Variants in JAZF1 observed in about 807,000 individuals in gnomAD.
The protein encoded by JAZF1 is JAZF zinc finger 1, also known as juxtaposed with another zinc finger protein 1.
In JAZF1, 8 loss-of-function variants were observed where a neutral mutation model predicts 26.4. The observed-to-expected ratio is 0.30, with a 90% CI of 0.18 to 0.55. The LOEUF (loss-of-function observed/expected upper bound fraction) is 0.55, where lower values mean the gene tolerates loss of function less well. Among genes scored for constraint, JAZF1 ranks in the 20% least tolerant of loss-of-function variants. The pLI is 0.94. For synonymous variants in JAZF1, 126 were observed against 122.3 expected (o/e 1.03, Z -0.20); for missense variants, 199 against 322.0 (o/e 0.62, Z 2.92).
At chr7:27,952,928 C>T (rs1785035612) in intron 2 of JAZF1, among the ~76,000 whole-genome samples, 1 of 152,158 alleles carries the variant, frequency 6.6e-6, no homozygotes, top group Non-Finnish European at 1.5e-5. Context: ...CAAGTGGAAC[C>T]ACATCCTGAT....
At chr7:28,107,833 T>C (rs4722754) in intron 1 of JAZF1, among the ~76,000 whole-genome samples, 17,514 of 152,230 alleles carry the variant, frequency 0.12, 1,454 homozygotes, top group East Asian at 0.47. Context: ...GACCCTACGA[T>C]GGACCTAAAG....
At chr7:27,931,386 A>G (rs190879530) in intron 2 of JAZF1, among the ~76,000 whole-genome samples, 61 of 151,972 alleles carry the variant, frequency 4.0e-4, no homozygotes, top group African/African-American at 1.4e-3. Context: ...CCAGTCTTTA[A>G]AAGCTGTATC....
chr7:28,115,939 T>C (rs1364578886), intron 1 of JAZF1, among the ~76,000 whole-genome samples: 1 of 152,186 alleles, frequency 6.6e-6, no homozygotes, highest in Non-Finnish European at 1.5e-5. Flanking sequence ...TTTAATAACA[T>C]ATCTTGGAGG....
At chr7:27,857,898 G>C (rs1486595307) in intron 3 of JAZF1, among the ~76,000 whole-genome samples, 1 of 152,158 alleles carries the variant, frequency 6.6e-6, no homozygotes, top group Non-Finnish European at 1.5e-5. Context: ...TCCGGCCAGG[G>C]CAATCAGGCA....
chr7:27,878,912 GACAT>G (rs1783724047), intron 3 of JAZF1, among the ~76,000 whole-genome samples: 1 of 152,162 alleles, frequency 6.6e-6, no homozygotes, highest in South Asian at 2.1e-4. Flanking sequence ...CCATTTTTAA[GACAT>G]ACATTATTAT....
intron 1 of JAZF1, among the ~76,000 whole-genome samples, chr7:28,118,860 A>T (rs555870135): frequency 6.6e-6 from 1 of 152,292 alleles, no homozygotes; most frequent in South Asian, 2.1e-4. Context: ...GTTCCTGCAG[A>T]GGATGCTCAT....
chr7:27,966,051 C>G (rs1392983812), intron 2 of JAZF1, among the ~76,000 whole-genome samples: 3 of 152,176 alleles, frequency 2.0e-5, no homozygotes, highest in African/African-American at 7.2e-5. Flanking sequence ...CCTGCTATTG[C>G]AGAATATGGT....
intron 3 of JAZF1, among the ~76,000 whole-genome samples, chr7:27,875,069 G>A (rs1015835706): frequency 6.6e-6 from 1 of 152,156 alleles, no homozygotes; most frequent in Admixed American, 6.5e-5. Context: ...TGACAGAGGC[G>A]GTCAGTGATT....
intron 1 of JAZF1, among the ~76,000 whole-genome samples, chr7:27,998,246 T>TA (rs1359080071): frequency 6.6e-6 from 1 of 152,162 alleles, no homozygotes; most frequent in Non-Finnish European, 1.5e-5. Flanking sequence ...ATGCTGCTTA[T>TA]CCTCTAAAGA....
chr7:27,959,804 G>A (rs1785159699), intron 2 of JAZF1, among the ~76,000 whole-genome samples: 1 of 152,068 alleles, frequency 6.6e-6, no homozygotes, highest in Non-Finnish European at 1.5e-5. Flanking sequence ...GGAGGCTGAG[G>A]CAGGAGAATC....
At chr7:27,967,213 G>C (rs1232965547) in intron 2 of JAZF1, among the ~76,000 whole-genome samples, 1 of 152,158 alleles carries the variant, frequency 6.6e-6, no homozygotes, top group African/African-American at 2.4e-5. Context: ...TTGGGCAGCG[G>C]GTCAAAGCCA....
intron 2 of JAZF1, among the ~76,000 whole-genome samples, chr7:27,965,101 A>G (rs1210371966): frequency 6.6e-6 from 1 of 152,202 alleles, no homozygotes; most frequent in African/African-American, 2.4e-5. Flanking sequence ...TATATATCAG[A>G]CACAAAGGTT....
intron 3 of JAZF1, among the ~76,000 whole-genome samples, chr7:27,847,666 T>G (rs1215624549): frequency 6.6e-6 from 1 of 152,194 alleles, no homozygotes; most frequent in Non-Finnish European, 1.5e-5. Flanking sequence ...TGATTATCTT[T>G]GCTTTATAAT....
intron 2 of JAZF1, among the ~76,000 whole-genome samples, chr7:27,913,109 GTT>G (rs1784386475): frequency 6.6e-6 from 1 of 151,962 alleles, no homozygotes; most frequent in Non-Finnish European, 1.5e-5. Context: ...CTTTGAAAGA[GTT>G]AATTCACCTC....
intron 2 of JAZF1, among the ~76,000 whole-genome samples, chr7:27,975,099 A>ATGGTT (rs1326878816): frequency 4.6e-5 from 7 of 151,870 alleles, no homozygotes; most frequent in African/African-American, 1.5e-4. Context: ...GTTAGCCAGG[A>ATGGTT]TGGTTTCGAT....
chr7:27,854,178 G>C (rs1783202649), intron 3 of JAZF1, among the ~76,000 whole-genome samples: 1 of 152,176 alleles, frequency 6.6e-6, no homozygotes, highest in South Asian at 2.1e-4. Context: ...TTTTACCAGA[G>C]ACTAGGATTC....
intron 1 of JAZF1, among the ~76,000 whole-genome samples, chr7:28,123,153 T>C (rs1174853518): frequency 6.6e-6 from 1 of 152,150 alleles, no homozygotes. Context: ...GCTTCCATGT[T>C]AAGTTGCTTT....
At chr7:27,898,647 C>A (rs1482947541) in intron 2 of JAZF1, among the ~76,000 whole-genome samples, 1 of 152,074 alleles carries the variant, frequency 6.6e-6, no homozygotes, top group Non-Finnish European at 1.5e-5. Context: ...CTATAAACAA[C>A]CATAACAACA....
chr7:28,128,441 G>A (rs530070785), intron 1 of JAZF1, among the ~76,000 whole-genome samples: 129 of 152,304 alleles, frequency 8.5e-4, no homozygotes, highest in African/African-American at 3.1e-3. Context: ...AGAATCGCTT[G>A]AATCTGGGTG....
Sources: gnomAD v4.1 joint callset for allele counts (sites outside exome capture counted in the v4.1 genomes callset) on GRCh38, gnomAD v4.1.1 for gene constraint, MANE v1.5 for transcripts, NCBI Gene and HGNC (gene_info 2026-07-23, HGNC 2026-07-21) for gene names.